ADCY2: variants seen among roughly 807,000 people sequenced by gnomAD.
ADCY2 encodes adenylate cyclase 2.
In ADCY2, 31 loss-of-function variants were observed where a neutral mutation model predicts 125.2. The ratio of observed to expected loss-of-function variants is 0.25; its 90% CI spans 0.19 to 0.33. The LOEUF (loss-of-function observed/expected upper bound fraction) is 0.33. Among genes scored for constraint, ADCY2 ranks in the 10% least tolerant of loss-of-function variants. ADCY2 has a pLI of 1.00. For missense variants in ADCY2, 904 were observed against 1,418.2 expected, an observed-to-expected ratio of 0.64 and a Z score of 5.82; for synonymous variants, 512 against 548.4, an observed-to-expected ratio of 0.93 and a Z score of 0.93.
intron 20 of ADCY2, chr5:7,796,126 C>T (rs375744857): frequency 5.3e-5 from 8 of 152,276 alleles, no homozygotes; most frequent in African/African-American, 1.9e-4. Flanking sequence ...TCAGCTTATA[C>T]CTGCATCCTT....
intron 22 of ADCY2, among the ~76,000 whole-genome samples, chr5:7,813,979 C>G (rs569260639): frequency 6.6e-6 from 1 of 151,896 alleles, no homozygotes; most frequent in African/African-American, 2.4e-5. Flanking sequence ...TTCCAACTGA[C>G]TGCACAAGCC....
intron 5 of ADCY2, 22 bp downstream of exon 5, chr5:7,690,861 T>C: frequency 6.6e-7 from 1 of 1,523,682 alleles, no homozygotes; most frequent in Non-Finnish European, 8.8e-7. Flanking sequence ...TGCTTGCTCC[T>C]TGGCTGGTCT....
intron 16 of ADCY2, among the ~76,000 whole-genome samples, chr5:7,761,666 G>A (rs754960722): frequency 5.3e-5 from 8 of 152,090 alleles, no homozygotes; most frequent in Admixed American, 2.0e-4. Context: ...GTAACATCTA[G>A]TTTGACCTTA....
Position 7,829,579 on chromosome 5 carries a change from T to G in ADCY2, c.*2708T>G, listed in dbSNP as rs1463712716. 6.6e-6 allele frequency: 1 copy of G among 152,048 alleles called. No homozygotes were observed. Among genetic ancestry groups the G allele is most frequent in the Admixed American group, 6.6e-5 (1 of 15,214 alleles). 9.4% of individuals were successfully genotyped at this position (152,048 alleles called of 1,614,324 possible). A position where few individuals can be genotyped will look rare whatever the true frequency, so the allele number is the denominator to read the frequency against. On this transcript the variant is annotated 3_prime_UTR_variant, in exon 25 of 25. Coordinates refer to ENST00000338316, the MANE Select transcript of ADCY2 (RefSeq NM_020546.3). The stretch of plus-strand genomic sequence containing the variant: ...AAAAAAAAAAATCTCTCCCCAATGC[T>G]CTCCTTAACCTTTAAGTCTTACAGG...
At position 7,482,503 on chromosome 5, in the gene ADCY2, G is replaced by T. The variant is rs560418044; in HGVS notation, c.409-38235G>T. Among the ~76,000 whole-genome samples the T allele has an allele frequency of 1.2e-4, 19 of 152,104 alleles. No individual in the cohort carries two copies. In the South Asian group the frequency reaches 3.3e-3, roughly 27 times the overall value. On this transcript the variant is annotated intron_variant, in intron 2 of 24. Transcript: ENST00000338316. ...TTGAAGATGTGGAGCAAACTCTTATGTACTGTTGGTGGGAACTTTTATGTA... is the reference window on the plus strand; with the variant it reads ...TTGAAGATGTGGAGCAAACTCTTATTTACTGTTGGTGGGAACTTTTATGTA...
Position 7,645,261 on chromosome 5 carries a change from A to T in ADCY2, c.720+18945A>T, listed in dbSNP as rs139889187. On this transcript the variant is annotated intron_variant, in intron 4 of 24. Coordinates refer to ENST00000338316, the MANE Select transcript of ADCY2 (RefSeq NM_020546.3). ...AATGGCCTAAAGAAAGTCCATGGGA[A>T]GTAGCCAGTGCTTTATATCAGGATA... Among the ~76,000 whole-genome samples the T allele has an allele frequency of 3.0e-3, 460 of 152,296 alleles. 1 individual carries two copies. Among genetic ancestry groups the T allele is most frequent in the Admixed American group, 5.7e-3 (87 of 15,284 alleles).
Position 7,415,461 on chromosome 5 carries a change from C to T in ADCY2, c.408+691C>T, listed in dbSNP as rs538765367. On this transcript the variant is annotated intron_variant, in intron 2 of 24. Transcript: ENST00000338316. ...CGAACCACAGTTTCGACAACTCAGTCCTTCTGTTTCCGGAGTGCCTTGTCT... is the reference window on the plus strand; with the variant it reads ...CGAACCACAGTTTCGACAACTCAGTTCTTCTGTTTCCGGAGTGCCTTGTCT... 3.9e-5 allele frequency among the ~76,000 whole-genome samples: 6 copies of T among 152,304 alleles called. No homozygotes were observed. In the South Asian group the frequency reaches 1.2e-3, roughly 32 times the overall value.
At chr5:7,433,127 A>G (rs1282655865) in intron 2 of ADCY2, among the ~76,000 whole-genome samples, 3 of 152,224 alleles carry the variant, frequency 2.0e-5, no homozygotes, top group Non-Finnish European at 4.4e-5. Flanking sequence ...AAACGTGTCC[A>G]GGCTGGAAAC....
At chr5:7,487,266 C>G (rs1455835507) in intron 2 of ADCY2, among the ~76,000 whole-genome samples, 1 of 152,188 alleles carries the variant, frequency 6.6e-6, no homozygotes, top group African/African-American at 2.4e-5. Flanking sequence ...GCCTGCTTGT[C>G]ATGCTATGGG....
chr5:7,622,052 C>T (rs1737970685), intron 3 of ADCY2, among the ~76,000 whole-genome samples: 1 of 152,062 alleles, frequency 6.6e-6, no homozygotes, highest in Non-Finnish European at 1.5e-5. Context: ...GTGAAAGTAG[C>T]TAAATGAAGC....
chr5:7,774,123 T>G (rs1246032273), intron 18 of ADCY2, among the ~76,000 whole-genome samples: 1 of 152,238 alleles, frequency 6.6e-6, no homozygotes, highest in East Asian at 1.9e-4. Context: ...ATTTCTTCAC[T>G]GGAGACCCGG....
At chr5:7,593,937 G>A (rs1235806553) in intron 3 of ADCY2, among the ~76,000 whole-genome samples, 2 of 152,134 alleles carry the variant, frequency 1.3e-5, no homozygotes, top group East Asian at 3.9e-4. Context: ...CAGATACTTG[G>A]GTTAAGAGAA....
chr5:7,479,163 G>A (rs184796763), intron 2 of ADCY2, among the ~76,000 whole-genome samples: 162 of 152,138 alleles, frequency 1.1e-3, no homozygotes, highest in Middle Eastern at 3.4e-3. Context: ...GCGTTTAGGG[G>A]TTAAAATCCA....
chr5:7,450,806 C>G (rs897522697), intron 2 of ADCY2, among the ~76,000 whole-genome samples: 1 of 152,054 alleles, frequency 6.6e-6, no homozygotes, highest in Non-Finnish European at 1.5e-5. Flanking sequence ...TCCAAGAGCC[C>G]TTAAAAATTG....
chr5:7,719,473 G>C lies in ADCY2; in HGVS notation c.1703+2236G>C, dbSNP rs1485953420. On this transcript the variant is annotated intron_variant, in intron 12 of 24. Transcript: ENST00000338316. Reference sequence around the variant, plus strand: ...TTGACATGAAGTTCTTCTGATCTTTGTATTTTCACTTGAGGACTCAACTGG... The same window carrying C: ...TTGACATGAAGTTCTTCTGATCTTTCTATTTTCACTTGAGGACTCAACTGG... Among the ~76,000 whole-genome samples, 6 of 152,146 alleles carry C rather than the reference G, an allele frequency of 3.9e-5. No homozygotes were observed. In the East Asian group the frequency reaches 1.2e-3, roughly 29 times the overall value.
chr5:7,569,077 C>T (rs1735993814), intron 3 of ADCY2, among the ~76,000 whole-genome samples: 1 of 152,146 alleles, frequency 6.6e-6, no homozygotes. Flanking sequence ...AGATGAAGAG[C>T]TCATCATGCA....
At chr5:7,736,479 T>G (rs1288274208) in intron 14 of ADCY2, among the ~76,000 whole-genome samples, 4 of 152,208 alleles carry the variant, frequency 2.6e-5, no homozygotes, top group Admixed American at 2.0e-4. Context: ...GCTCTATTAG[T>G]AACACTCTAT....
chr5:7,657,684 G>C (rs1055012595), intron 4 of ADCY2, among the ~76,000 whole-genome samples: 8 of 152,200 alleles, frequency 5.3e-5, no homozygotes, highest in African/African-American at 1.9e-4. Flanking sequence ...ACACACGTGA[G>C]GGTTAATCAC....
rs141966239 is a variant in ADCY2, at chr5:7,804,700, G to A, written c.2883+8G>A. The stretch of plus-strand genomic sequence containing the variant: ...AGCCAGGAGCACTCCCAGGTAAGAC[G>A]CGTTGGCCACTTAACGGCACAGGTG... On this transcript the variant is annotated splice_region_variant and intron_variant, in intron 22 of 24. Coordinates refer to ENST00000338316, the MANE Select transcript of ADCY2 (RefSeq NM_020546.3). 6.8e-5 allele frequency: 110 copies of A among 1,611,300 alleles called. No homozygotes were observed. Among genetic ancestry groups the A allele is most frequent in the Non-Finnish European group, 8.8e-5 (104 of 1,177,484 alleles).
Sources: allele counts gnomAD v4.1 joint callset (sites outside exome capture counted in the v4.1 genomes callset), GRCh38; gene constraint gnomAD v4.1.1; transcripts MANE v1.5; gene names NCBI Gene and HGNC (gene_info 2026-07-23, HGNC 2026-07-21).